The following ITK variants were observed in gnomAD, a reference collection of about 807,000 sequenced individuals.
ITK encodes IL2 inducible T cell kinase, also known as tyrosine-protein kinase ITK/TSK.
Under a neutral mutation model 87.6 loss-of-function variants are expected in ITK, and 45 were observed. The observed-to-expected ratio is 0.51, with a 90% CI of 0.40 to 0.66. The LOEUF is 0.66. Ranked by LOEUF, ITK falls within the 30% of genes least tolerant of loss-of-function variation. The pLI is 0.00. For missense variants in ITK, 605 were observed against 766.3 expected, an observed-to-expected ratio of 0.79 and a Z score of 2.48; for synonymous variants, 303 against 273.6, an observed-to-expected ratio of 1.11 and a Z score of -1.06.
chr5:157,182,734 C>A (rs897259368), intron 1 of ITK, among the ~76,000 whole-genome samples: 2 of 151,966 alleles, frequency 1.3e-5, no homozygotes, highest in African/African-American at 4.8e-5. Context: ...TTTTCAAAGT[C>A]CATTTTGCAG....
intron 8 of ITK, among the ~76,000 whole-genome samples, chr5:157,234,575 T>C (rs148642018): frequency 7.2e-5 from 11 of 152,310 alleles, no homozygotes; most frequent in African/African-American, 2.4e-4. Context: ...CAGTCTATCA[T>C]TGATGGGAAT....
chr5:157,209,876 G>A (rs1349467345), intron 2 of ITK, among the ~76,000 whole-genome samples: 2 of 152,058 alleles, frequency 1.3e-5, no homozygotes, highest in East Asian at 3.9e-4. Context: ...ATGGCTGGCA[G>A]CTACTGTACT....
In ITK at chr5:157,214,199, A is replaced by G. The variant is rs1754250822; in HGVS notation, c.334A>G (p.Asn112Asp). 2 of 1,612,248 alleles carry G rather than the reference A, an allele frequency of 1.2e-6. No homozygotes were observed. The highest frequency in any genetic ancestry group is 1.7e-6 in the Non-Finnish European group (2 of 1,178,294). Residue 112 changes from asparagine (N) to aspartate (D), a missense_variant, in exon 4 of 17, where the codon AAT becomes GAT. Asn to Asp is a conservative substitution (Grantham distance 23). Around this residue, in one of 3 missense-constraint regions of ITK, gnomAD observed 464 missense variants for 578.0 expected, o/e 0.80. Coordinates refer to ENST00000422843, the MANE Select transcript of ITK (RefSeq NM_005546.4). ...GTGCCAACCTGTTTCAGAAACGAGG[A>G]ATAATAACAGTTTGGTGCCTAAATA... ...WVLALKEETR[N>D]NNSLVPKYHP...
chr5:157,227,443 G>A (rs571925643), intron 6 of ITK, among the ~76,000 whole-genome samples: 27 of 151,822 alleles, frequency 1.8e-4, no homozygotes, highest in Non-Finnish European at 3.8e-4. Flanking sequence ...TTTTTTTCTC[G>A]TGTTTATACC....
Position 157,238,182 on chromosome 5 carries a change from C to A in ITK, c.842C>A (p.Ala281Asp). ...TACACCGTGTCTGTTTTCACCAAGGCTGTTGTAAGGTATGGAGCTAACTCT... is the reference window on the plus strand; with the variant it reads ...TACACCGTGTCTGTTTTCACCAAGGATGTTGTAAGGTATGGAGCTAACTCT... The part of the protein sequence containing the change: ...GTYTVSVFTK[A>D]VVSENNPCIK... The change falls in exon 9 of 17, where the codon GCT (alanine) becomes GAT (aspartate). Residue 281 changes from alanine (A) to aspartate (D), a missense_variant. By Grantham distance (126) the Ala-to-Asp change is moderately radical. Around this residue, in one of 3 missense-constraint regions of ITK, gnomAD observed 464 missense variants for 578.0 expected, o/e 0.80. Transcript: ENST00000422843. The A allele has an allele frequency of 6.2e-7, 1 of 1,612,790 alleles. No homozygotes were observed. The highest frequency in any genetic ancestry group is 1.1e-5 in the South Asian group (1 of 91,052).
At chr5:157,201,401 G>A (rs967509630) in intron 1 of ITK, among the ~76,000 whole-genome samples, 3 of 151,002 alleles carry the variant, frequency 2.0e-5, no homozygotes, top group Non-Finnish European at 4.4e-5. Flanking sequence ...GGGTTCAAGG[G>A]ATTCTCCTGC....
intron 1 of ITK, among the ~76,000 whole-genome samples, chr5:157,202,430 T>A (rs1753996391): frequency 6.6e-6 from 1 of 152,122 alleles, no homozygotes; most frequent in Non-Finnish European, 1.5e-5. Context: ...CCCAGGCTAG[T>A]CTCGAACTCC....
Position 157,180,999 on chromosome 5 carries a change from G to A in ITK, c.22G>A (p.Glu8Lys), listed in dbSNP as rs868709834. The A allele has an allele frequency of 3.1e-6, 5 of 1,613,894 alleles. No homozygotes were observed. Among genetic ancestry groups the A allele is most frequent in the Middle Eastern group, 3.3e-4 (2 of 6,058 alleles). Residue 8 changes from glutamate to lysine, a missense_variant, in exon 1 of 17, where the codon GAA (glutamate) becomes AAA (lysine). Around this residue, in one of 3 missense-constraint regions of ITK, gnomAD observed 464 missense variants for 578.0 expected, o/e 0.80. Coordinates refer to ENST00000422843, the MANE Select transcript of ITK (RefSeq NM_005546.4). The stretch of plus-strand genomic sequence containing the variant: ...GATCATGAACAACTTTATCCTCCTG[G>A]AAGAACAGCTCATCAAGAAATCCCA... MNNFILL[E>K]EQLIKKSQQK...
Position 157,240,535 on chromosome 5 carries a change from C to A in ITK, c.985+340C>A, listed in dbSNP as rs193068021. 2.7e-3 allele frequency: 1,006 copies of A among 371,806 alleles called. 4 individuals carry two copies. Among genetic ancestry groups the A allele is most frequent in the Non-Finnish European group, 4.2e-3 (829 of 197,246 alleles). The allele number at this position is 371,806 out of a possible 1,614,324, so 23.0% of individuals were successfully genotyped here. ...AAAGCCAGAGGGCACCTGGGTTAGA[C>A]TTTTTTGAATTGCTATCAAGGAATA... On this transcript the variant is annotated intron_variant, in intron 10 of 16. Transcript: ENST00000422843.
Position 157,253,635 on chromosome 5 carries a change from A to G in ITK, c.*957A>G. 4.4e-6 allele frequency: 1 copy of G among 227,202 alleles called. No homozygotes were observed. The highest frequency in any genetic ancestry group is 8.8e-6 in the Non-Finnish European group (1 of 114,242). 14.1% of individuals were successfully genotyped at this position (227,202 alleles called of 1,614,324 possible). A position where few individuals can be genotyped will look rare whatever the true frequency, so the allele number is the denominator to read the frequency against. On this transcript the variant is annotated 3_prime_UTR_variant, in exon 17 of 17. Coordinates refer to ENST00000422843, the MANE Select transcript of ITK (RefSeq NM_005546.4). ...GGAATCAGCCCCCCCTCTCTGCACT[A>G]TCCGATCCTCATCAACAGAGGGCAG... is the stretch of plus-strand genomic sequence containing the variant.
chr5:157,242,576 A>G (rs1362646218), intron 11 of ITK, among the ~76,000 whole-genome samples: 1 of 151,998 alleles, frequency 6.6e-6, no homozygotes, highest in Non-Finnish European at 1.5e-5. Flanking sequence ...CCTGGGCTCA[A>G]GCGATCCTCC....
intron 3 of ITK, 88 bp from the exon 4 acceptor site, chr5:157,214,103 C>T: frequency 9.6e-7 from 1 of 1,037,544 alleles, no homozygotes. Context: ...CTCACTCAGC[C>T]AGGTCTAATC....
intron 1 of ITK, among the ~76,000 whole-genome samples, chr5:157,190,427 G>A (rs959611950): frequency 6.6e-6 from 1 of 152,156 alleles, no homozygotes; most frequent in Non-Finnish European, 1.5e-5. Context: ...GCTGCTCTGT[G>A]CCAGGCACCA....
chr5:157,204,800 G>T (rs1293592008), intron 1 of ITK, among the ~76,000 whole-genome samples: 1 of 152,138 alleles, frequency 6.6e-6, no homozygotes, highest in African/African-American at 2.4e-5. Flanking sequence ...AACATAAATA[G>T]ATTTTGTACT....
At chr5:157,231,899 T>C (rs1754662207) in intron 7 of ITK, among the ~76,000 whole-genome samples, 1 of 152,220 alleles carries the variant, frequency 6.6e-6, no homozygotes, top group African/African-American at 2.4e-5. Flanking sequence ...ATTACAATTT[T>C]ATAGCTGCAC....
intron 1 of ITK, among the ~76,000 whole-genome samples, chr5:157,198,691 A>T (rs939380852): frequency 3.3e-5 from 5 of 152,226 alleles, no homozygotes; most frequent in African/African-American, 1.2e-4. Context: ...GGAACAGCTC[A>T]TTGCAAATTG....
intron 2 of ITK, among the ~76,000 whole-genome samples, chr5:157,209,382 ACT>A (rs933901375): frequency 2.6e-5 from 4 of 151,462 alleles, no homozygotes; most frequent in African/African-American, 9.7e-5. Context: ...GACACGGATG[ACT>A]CTCTGCCTCT....
At chr5:157,201,055 C>A (rs1236170146) in intron 1 of ITK, among the ~76,000 whole-genome samples, 1 of 150,896 alleles carries the variant, frequency 6.6e-6, no homozygotes, top group African/African-American at 2.4e-5. Flanking sequence ...GCTCACTATC[C>A]TAAAGTCAAT....
rs749571172 is a variant in ITK, at chr5:157,228,296, G to A, written c.648G>A (p.Gly216=). 1.3e-6 allele frequency: 2 copies of A among 1,583,240 alleles called. No individual in the cohort carries two copies. Among genetic ancestry groups the A allele is most frequent in the Non-Finnish European group, 8.7e-7 (1 of 1,152,116 alleles). Residue 216 remains glycine (G), a splice_region_variant and synonymous_variant, in exon 7 of 17, where the codon GGG becomes GGA. Coordinates refer to ENST00000422843, the MANE Select transcript of ITK (RefSeq NM_005546.4). ...TAAACATTAATTTTCCTTTTAACAG[G>A]CATGAAGGATATGTACCAAGCAGTT... is the stretch of plus-strand genomic sequence containing the variant. ...IHWWRVQDRN[G]HEGYVPSSYL... is the part of the protein sequence containing the mutation.
Sources: gnomAD v4.1 joint callset for allele counts (sites outside exome capture counted in the v4.1 genomes callset) on GRCh38, gnomAD v4.1.1 for gene constraint, gnomAD v4.1.1 regional missense constraint, MANE v1.5 for transcripts, NCBI Gene and HGNC (gene_info 2026-07-23, HGNC 2026-07-21) for gene names.